PTPRT: variants seen among roughly 807,000 people sequenced by gnomAD.
The protein encoded by PTPRT is protein tyrosine phosphatase receptor type T.
Under a neutral mutation model 176.8 loss-of-function variants are expected in PTPRT, and 56 were observed. The ratio of observed to expected loss-of-function variants is 0.32; its 90% CI spans 0.26 to 0.40. The LOEUF (loss-of-function observed/expected upper bound fraction) is 0.40. Among genes scored for constraint, PTPRT ranks in the 10% least tolerant of loss-of-function variants. PTPRT has a pLI of 1.00. For synonymous variants in PTPRT, 783 were observed against 739.0 expected, an observed-to-expected ratio of 1.06 and a Z score of -0.96; for missense variants, 1,540 against 1,908.2, an observed-to-expected ratio of 0.81 and a Z score of 3.60.
intron 1 of PTPRT, among the ~76,000 whole-genome samples, chr20:43,054,081 G>A (rs1987146423): frequency 6.6e-6 from 1 of 152,118 alleles, no homozygotes; most frequent in African/African-American, 2.4e-5. Context: ...ACCACAAGAA[G>A]CCTCAGCTCA....
chr20:42,913,658 C>A (rs1343588321), intron 1 of PTPRT, among the ~76,000 whole-genome samples: 1 of 152,170 alleles, frequency 6.6e-6, no homozygotes, highest in Non-Finnish European at 1.5e-5. Context: ...GGTACCTTTT[C>A]AAGATTGAAT....
rs1453654070 is a variant in PTPRT at position 42,076,254 on chromosome 20, T to A, written c.*4625A>T. The A allele has an allele frequency of 4.8e-6, 1 of 206,320 alleles. No homozygotes were observed. The highest frequency in any genetic ancestry group is 7.4e-5 in the East Asian group (1 of 13,598). 12.8% of individuals were successfully genotyped at this position (206,320 alleles called of 1,614,324 possible). ...GTAATTATGTGTGGCTAGGGTAAAG[T>A]GAGGAGCCTTCCAGACCCCAGCTGC... is the stretch of plus-strand genomic sequence containing the variant. On this transcript the variant is annotated 3_prime_UTR_variant, in exon 31 of 31. Transcript: ENST00000373187.
intron 13 of PTPRT, among the ~76,000 whole-genome samples, chr20:42,252,789 CT>C (rs1396687208): frequency 6.6e-6 from 1 of 152,208 alleles, no homozygotes; most frequent in Admixed American, 6.5e-5. Context: ...TTCGGAGAGG[CT>C]GTCTGAAAGT....
At chr20:43,160,532 C>A (rs1817091629) in intron 1 of PTPRT, among the ~76,000 whole-genome samples, 1 of 152,130 alleles carries the variant, frequency 6.6e-6, no homozygotes, top group African/African-American at 2.4e-5. Context: ...CCAACACAAA[C>A]ATGATCATCT....
chr20:42,927,431 G>A (rs746587970), intron 1 of PTPRT, among the ~76,000 whole-genome samples: 15 of 152,124 alleles, frequency 9.9e-5, no homozygotes, highest in African/African-American at 2.9e-4. Flanking sequence ...GCGTAGTGGC[G>A]CATGCCCGTA....
chr20:42,481,314 G>A (rs1414776135), intron 7 of PTPRT, among the ~76,000 whole-genome samples: 1 of 152,166 alleles, frequency 6.6e-6, no homozygotes, highest in Non-Finnish European at 1.5e-5. Context: ...ACACAGTACT[G>A]TTTAGGAATC....
chr20:43,026,248 G>C (rs1383923785), intron 1 of PTPRT, among the ~76,000 whole-genome samples: 3 of 152,060 alleles, frequency 2.0e-5, no homozygotes, highest in Non-Finnish European at 4.4e-5. Context: ...CTCCCAAGTA[G>C]CTGGGATTAC....
intron 16 of PTPRT, among the ~76,000 whole-genome samples, chr20:42,167,321 A>G (rs1989872475): frequency 6.6e-6 from 1 of 152,066 alleles, no homozygotes; most frequent in South Asian, 2.1e-4. Flanking sequence ...CCCCAAAGCC[A>G]TCTATTTTAC....
intron 16 of PTPRT, among the ~76,000 whole-genome samples, chr20:42,198,927 A>G (rs1013351865): frequency 6.6e-6 from 1 of 152,198 alleles, no homozygotes; most frequent in African/African-American, 2.4e-5. Context: ...CTCCTTAAGG[A>G]CATAACCATC....
At chr20:42,780,485 C>G (rs1387178990) in intron 3 of PTPRT, among the ~76,000 whole-genome samples, 186 bp from the exon 4 acceptor site, 4 of 152,192 alleles carry the variant, frequency 2.6e-5, no homozygotes, top group African/African-American at 9.7e-5. Flanking sequence ...AAAAAGGCCA[C>G]ACTTTGGTGG....
chr20:43,130,983 G>A (rs1241505137), intron 1 of PTPRT, among the ~76,000 whole-genome samples: 3 of 152,200 alleles, frequency 2.0e-5, no homozygotes, highest in East Asian at 1.9e-4. Flanking sequence ...ATGAAGCCAG[G>A]ATCTCCACCT....
intron 9 of PTPRT, among the ~76,000 whole-genome samples, chr20:42,441,049 A>G (rs1941975080): frequency 6.6e-6 from 1 of 152,184 alleles, no homozygotes; most frequent in African/African-American, 2.4e-5. Flanking sequence ...CATCCAAACT[A>G]TGGTTTGACC....
chr20:43,176,933 T>G (rs1300967558), intron 1 of PTPRT, among the ~76,000 whole-genome samples: 1 of 152,214 alleles, frequency 6.6e-6, no homozygotes, highest in African/African-American at 2.4e-5. Flanking sequence ...TAGTAAACCA[T>G]GAGGCCAGAA....
At chr20:42,101,989 C>T in intron 26 of PTPRT, 135 bp downstream of exon 26, 1 of 1,051,750 alleles carries the variant, frequency 9.5e-7, no homozygotes, top group South Asian at 1.7e-5. Context: ...GAACAAAGGT[C>T]CTTGGGACTA....
intron 1 of PTPRT, among the ~76,000 whole-genome samples, chr20:43,101,669 G>A (rs927058): frequency 0.44 from 66,513 of 151,086 alleles, 15,335 homozygotes; most frequent in Non-Finnish European, 0.51. Context: ...AGATGCTCAG[G>A]TGTTACAAGT....
chr20:42,422,299 T>C (rs915599815), intron 9 of PTPRT, among the ~76,000 whole-genome samples: 1 of 152,136 alleles, frequency 6.6e-6, no homozygotes, highest in Non-Finnish European at 1.5e-5. Context: ...TTTTTCAAAC[T>C]ATGCATCTGA....
At chr20:42,779,519 T>A (rs980986811) in intron 4 of PTPRT, among the ~76,000 whole-genome samples, 2 of 152,200 alleles carry the variant, frequency 1.3e-5, no homozygotes, top group Admixed American at 6.5e-5. Context: ...CCCAACCAAA[T>A]GTCACTGGGT....
intron 13 of PTPRT, among the ~76,000 whole-genome samples, chr20:42,278,244 G>A (rs1197357151): frequency 7.1e-6 from 1 of 140,728 alleles, no homozygotes; most frequent in African/African-American, 2.9e-5. Flanking sequence ...AGGACATAAG[G>A]TTTAAGAGGC....
At chr20:43,179,794 T>C (rs1195184475) in intron 1 of PTPRT, among the ~76,000 whole-genome samples, 1 of 152,276 alleles carries the variant, frequency 6.6e-6, no homozygotes, top group Admixed American at 6.5e-5. Context: ...ATTTGTATTT[T>C]TCTCCAAGAA....
Sources: gnomAD v4.1 joint callset for allele counts (sites outside exome capture counted in the v4.1 genomes callset) on GRCh38, gnomAD v4.1.1 for gene constraint, MANE v1.5 for transcripts, NCBI Gene and HGNC (gene_info 2026-07-23, HGNC 2026-07-21) for gene names.